The following XRN1 variants were observed in gnomAD, a reference collection of about 807,000 sequenced individuals.
XRN1 encodes 5'-3' exoribonuclease 1.
XRN1 carries 67 observed loss-of-function variants against 222.3 expected under a neutral mutation model. The ratio of observed to expected loss-of-function variants is 0.30; its 90% CI spans 0.25 to 0.37. XRN1 has a LOEUF of 0.37. Ranked by LOEUF, XRN1 falls within the 10% of genes least tolerant of loss-of-function variation. The pLI is 1.00. For missense variants in XRN1, 1,707 were observed against 2,000.2 expected (o/e 0.85, Z 2.80); for synonymous variants, 643 against 652.4 (o/e 0.99, Z 0.22).
intron 33 of XRN1, 88 bp from the exon 34 acceptor site, chr3:142,335,597 T>C: frequency 6.7e-6 from 8 of 1,202,438 alleles, no homozygotes; most frequent in Non-Finnish European, 8.4e-6. Context: ...CAAGGCACTG[T>C]GTTAAAAATT....
intron 30 of XRN1, among the ~76,000 whole-genome samples, chr3:142,359,230 C>T (rs947889686): frequency 2.0e-5 from 3 of 152,132 alleles, no homozygotes; most frequent in Non-Finnish European, 4.4e-5. Flanking sequence ...TTTAAACCTC[C>T]TAACCTCCAG....
At chr3:142,312,575 C>A in intron 40 of XRN1, 23 bp downstream of exon 40, 1 of 1,514,610 alleles carries the variant, frequency 6.6e-7, no homozygotes, top group Non-Finnish European at 8.9e-7. Flanking sequence ...AAATAATTAT[C>A]TTAAAAATAT....
At chr3:142,319,418 A>C (rs940431244) in intron 37 of XRN1, among the ~76,000 whole-genome samples, 1 of 152,216 alleles carries the variant, frequency 6.6e-6, no homozygotes, top group Non-Finnish European at 1.5e-5. Flanking sequence ...CAAAATATAA[A>C]AGACTCAGAG....
chr3:142,347,698 T>C (rs1452544913), intron 32 of XRN1, among the ~76,000 whole-genome samples: 1 of 151,958 alleles, frequency 6.6e-6, no homozygotes, highest in Non-Finnish European at 1.5e-5. Flanking sequence ...CCCGGGTTCA[T>C]GTGACTCTCA....
chr3:142,418,960 T>C, intron 10 of XRN1, 79 bp from the exon 11 acceptor site: 3 of 1,374,432 alleles, frequency 2.2e-6, no homozygotes, highest in Non-Finnish European at 3.1e-6. Flanking sequence ...CATGCACCCA[T>C]TTGCTTTTCT....
intron 6 of XRN1, 59 bp downstream of exon 6, chr3:142,423,501 T>G: frequency 7.2e-7 from 1 of 1,392,260 alleles, no homozygotes; most frequent in East Asian, 2.4e-5. Context: ...ATGTATCTGT[T>G]AAAGAATTAC....
At chr3:142,374,996 G>A (rs555010529) in intron 25 of XRN1, among the ~76,000 whole-genome samples, 2 of 152,266 alleles carry the variant, frequency 1.3e-5, no homozygotes, top group African/African-American at 2.4e-5. Flanking sequence ...ACATAAACAC[G>A]GAGGATTGCA....
At chr3:142,413,000 C>G (rs1421766985) in intron 14 of XRN1, among the ~76,000 whole-genome samples, 1 of 152,142 alleles carries the variant, frequency 6.6e-6, no homozygotes, top group Non-Finnish European at 1.5e-5. Context: ...GACTTCATTT[C>G]AGTTCATCTA....
Position 142,376,585 on chromosome 3 carries a change from T to C in XRN1, c.2725A>G (p.Ile909Val), listed in dbSNP as rs200207116. 6.2e-6 allele frequency: 10 copies of C among 1,604,410 alleles called. No homozygotes were observed. The highest frequency in any genetic ancestry group is 5.1e-5 in the Admixed American group (3 of 59,054). The change falls in exon 24 of 41, where the codon ATA becomes GTA. Residue 909 changes from isoleucine to valine, a missense_variant. By Grantham distance (29) the Ile-to-Val change is conservative. This residue lies in a region of XRN1 where 1,234 missense variants were observed against 1,518.2 expected (regional missense o/e 0.81). Coordinates refer to ENST00000392981, the MANE Select transcript of XRN1 (RefSeq NM_001282857.2). ...ALIQNQHKYS[I>V]KYNPGYVLAS... Reference sequence around the variant, plus strand: ...AACACATATCCTGGGTTGTACTTTATAGAATATTTCTTTAAATATAAAAAC... The same window carrying C: ...AACACATATCCTGGGTTGTACTTTACAGAATATTTCTTTAAATATAAAAAC...
At position 142,355,491 on chromosome 3, in the gene XRN1, A is replaced by G; in HGVS notation, c.3678T>C (p.Pro1226=). 1.3e-6 allele frequency: 2 copies of G among 1,586,118 alleles called. No individual in the cohort carries two copies. The highest frequency in any genetic ancestry group is 8.6e-7 in the Non-Finnish European group (1 of 1,164,002). ...TGCAGAATTCATCATCATCTTTAGT[A>G]GGTACCTAGCAAAGTACAAACAATT... is the stretch of plus-strand genomic sequence containing the variant. ...PQSLFVPTQV[P]TKDDDEFCNI... is the part of the protein sequence containing the mutation. The change falls in exon 32 of 41, where the codon CCT becomes CCC. Residue 1226 remains proline, a synonymous_variant. Coordinates refer to ENST00000392981, the MANE Select transcript of XRN1 (RefSeq NM_001282857.2).
intron 20 of XRN1, among the ~76,000 whole-genome samples, chr3:142,388,573 G>T (rs1043107700): frequency 6.6e-6 from 1 of 152,164 alleles, no homozygotes; most frequent in African/African-American, 2.4e-5. Flanking sequence ...TTAGTGGAGG[G>T]TCTCACCTTG....
At chr3:142,338,174 C>T (rs1231474732) in intron 33 of XRN1, among the ~76,000 whole-genome samples, 1 of 152,190 alleles carries the variant, frequency 6.6e-6, no homozygotes, top group East Asian at 1.9e-4. Flanking sequence ...CCCAACTCCC[C>T]CAACCCCAGG....
Position 142,311,760 on chromosome 3 carries a change from C to A in XRN1, c.4836G>T (p.Gln1612His), listed in dbSNP as rs752545265. ...TCTGAACTGGAGTGGCTTGAGAACTCTGGGCTTCCTTATTCTCAAAGTTCT... is the reference window on the plus strand; with the variant it reads ...TCTGAACTGGAGTGGCTTGAGAACTATGGGCTTCCTTATTCTCAAAGTTCT... Reference protein sequence around the residue: ...NKKNFENKEAQSSQATPVQTS... With the variant: ...NKKNFENKEAHSSQATPVQTS... The change falls in exon 41 of 41, where the codon CAG becomes CAT. Residue 1612 changes from glutamine (Q) to histidine (H), a missense_variant. This residue lies in a region of XRN1 where 473 missense variants were observed against 482.0 expected (regional missense o/e 0.98). Coordinates refer to ENST00000392981, the MANE Select transcript of XRN1 (RefSeq NM_001282857.2). 1 of 1,609,794 alleles carries A rather than the reference C, an allele frequency of 6.2e-7. No individual in the cohort carries two copies. Among genetic ancestry groups the A allele is most frequent in the Admixed American group, 1.7e-5 (1 of 59,096 alleles).
intron 21 of XRN1, 135 bp downstream of exon 21, chr3:142,384,388 A>G: frequency 1.7e-6 from 1 of 585,464 alleles, no homozygotes; most frequent in Non-Finnish European, 2.6e-6. Flanking sequence ...GTTATTTTGT[A>G]AATTATATTA....
rs774155269 is a variant in XRN1, at chr3:142,312,528, T to TA, written c.4782+69dup. 7.9e-6 allele frequency: 11 copies of TA among 1,398,008 alleles called. No individual in the cohort carries two copies. The African/African-American group carries it at 1.0e-4, about 13-fold the overall frequency. 86.6% of individuals were successfully genotyped at this position (1,398,008 alleles called of 1,614,324 possible). On this transcript the variant is annotated intron_variant, in intron 40 of 40. Transcript: ENST00000392981. ...GTTGGCACTGAATAAGTAAACTGAA[T>TA]AAAAAAATGTTTATCAATAGTCTTT...
At chr3:142,402,371 T>C (rs149134412) in intron 18 of XRN1, among the ~76,000 whole-genome samples, 12,033 of 151,976 alleles carry the variant, frequency 0.079, 1,598 homozygotes, top group African/African-American at 0.27. Flanking sequence ...TCAGTAGAGA[T>C]GGGGTTTCAC....
At chr3:142,327,495 G>C (rs1275645563) in intron 37 of XRN1, among the ~76,000 whole-genome samples, 1 of 148,456 alleles carries the variant, frequency 6.7e-6, no homozygotes, top group Non-Finnish European at 1.5e-5. Context: ...CTCTTTTACA[G>C]TCCGGCTAAA....
intron 22 of XRN1, among the ~76,000 whole-genome samples, chr3:142,382,644 GC>G (rs2067343436): frequency 6.6e-6 from 1 of 152,136 alleles, no homozygotes. Context: ...TCTCTGAGAA[GC>G]CCTGTTCCTT....
rs111704631 is a variant in XRN1, at chr3:142,320,180, T to C, written c.4405-1277A>G. ...TTTTCATACAGGTTGTACTAATTTA[T>C]ATTCCAACCAACAGTGTATAAACAC... On this transcript the variant is annotated intron_variant, in intron 37 of 40. Transcript: ENST00000392981. 8.3e-3 allele frequency among the ~76,000 whole-genome samples: 1,267 copies of C among 152,304 alleles called. 19 individuals carry two copies. The highest frequency in any genetic ancestry group is 0.028 in the African/African-American group (1,159 of 41,568).
Sources: gnomAD v4.1 joint callset for allele counts (sites outside exome capture counted in the v4.1 genomes callset) on GRCh38, gnomAD v4.1.1 for gene constraint, gnomAD v4.1.1 regional missense constraint, MANE v1.5 for transcripts, NCBI Gene and HGNC (gene_info 2026-07-23, HGNC 2026-07-21) for gene names.